The following KYAT1 variants were observed in gnomAD, a reference collection of about 807,000 sequenced individuals.
The protein encoded by KYAT1 is kynurenine--oxoglutarate transaminase 1.
In KYAT1, 47 loss-of-function variants were observed where a neutral mutation model predicts 52.4. The ratio of observed to expected loss-of-function variants is 0.90; its 90% CI spans 0.71 to 1.14. The LOEUF (loss-of-function observed/expected upper bound fraction) is 1.14, where lower values mean the gene tolerates loss of function less well. Ranked by LOEUF, KYAT1 falls within the 50% of genes most tolerant of loss-of-function variation. The pLI is 0.00. For synonymous variants in KYAT1, 212 were observed against 209.6 expected, an observed-to-expected ratio of 1.01 and a Z score of -0.10; for missense variants, 480 against 557.9, an observed-to-expected ratio of 0.86 and a Z score of 1.41.
At chr9:128,846,801 A>C (rs554194254) in intron 1 of KYAT1, 2 of 1,535,542 alleles carry the variant, frequency 1.3e-6, no homozygotes, top group South Asian at 2.4e-5. Flanking sequence ...TGGGTTTGCC[A>C]GTCCCAGATG....
At chr9:128,864,998 A>G (rs1043124707) in intron 1 of KYAT1, among the ~76,000 whole-genome samples, 5 of 151,294 alleles carry the variant, frequency 3.3e-5, no homozygotes, top group African/African-American at 1.2e-4. Flanking sequence ...AGGCCAAGGC[A>G]GGAGGATCCC....
intron 1 of KYAT1, among the ~76,000 whole-genome samples, chr9:128,879,068 T>C (rs1281935159): frequency 1.3e-5 from 2 of 152,176 alleles, no homozygotes; most frequent in Non-Finnish European, 2.9e-5. Flanking sequence ...CCCAGCACTT[T>C]GGGAGGCCGA....
chr9:128,842,005 C>A (rs1027045542), intron 3 of KYAT1: 4 of 170,420 alleles, frequency 2.3e-5, no homozygotes, highest in Admixed American at 6.1e-5. Context: ...GGAGTGAGAC[C>A]CTGACTCAAA....
intron 1 of KYAT1, chr9:128,847,351 A>G (rs1198357021): frequency 2.2e-6 from 2 of 900,682 alleles, no homozygotes; most frequent in Admixed American, 4.9e-5. Flanking sequence ...AGGCTCATGC[A>G]CAGCTTTGAA....
upstream of KYAT1, chr9:128,882,204 C>G (rs1379355670): frequency 2.6e-5 from 4 of 153,194 alleles, no homozygotes; most frequent in East Asian, 7.7e-4. Context: ...GACGGAGCGG[C>G]CGGGGCCTGG....
chr9:128,876,185 G>A (rs1588164333), intron 1 of KYAT1, among the ~76,000 whole-genome samples: 1 of 151,432 alleles, frequency 6.6e-6, no homozygotes, highest in East Asian at 1.9e-4. Flanking sequence ...TGATCCTCCT[G>A]CCTCAGCCGC....
intron 1 of KYAT1, among the ~76,000 whole-genome samples, chr9:128,881,098 T>C (rs1838802226): frequency 6.6e-6 from 1 of 152,184 alleles, no homozygotes; most frequent in Admixed American, 6.5e-5. Flanking sequence ...TTTTCTTTTT[T>C]TAGACGGAGT....
chr9:128,842,655 A>G lies in KYAT1; in HGVS notation c.200T>C (p.Phe67Ser). The change falls in exon 3 of 13, where the codon TTT becomes TCT. Residue 67 changes from phenylalanine to serine, a missense_variant and splice_region_variant. By Grantham distance (155) the Phe-to-Ser change is radical (BLOSUM62 -2). Coordinates refer to ENST00000302586, the MANE Select transcript of KYAT1 (RefSeq NM_004059.5). ...DFMLNQYTKTFGYPPLTKILA... is the reference protein window; with the variant it reads ...DFMLNQYTKTSGYPPLTKILA... ...TCCACGAGAGATGGGGAGACTCACA[A>G]ATGTCTTGGTGTACTGGTTAAGCAT... 1.2e-6 allele frequency: 2 copies of G among 1,612,968 alleles called. No homozygotes were observed. Among genetic ancestry groups the G allele is most frequent in the Non-Finnish European group, 1.7e-6 (2 of 1,179,178 alleles).
At chr9:128,881,770 CTCCGTTATACTTAG>C (rs1250522127) in intron 1 of KYAT1, 113 bp downstream of exon 1, 1 of 152,202 alleles carries the variant, frequency 6.6e-6, no homozygotes, top group Admixed American at 6.6e-5. Context: ...TGTGCAGCCA[CTCCGTTATACTTAG>C]TAGCATCAAA....
chr9:128,860,971 C>A (rs60362305), intron 1 of KYAT1, among the ~76,000 whole-genome samples: 1 of 152,098 alleles, frequency 6.6e-6, no homozygotes, highest in South Asian at 2.1e-4. Context: ...CCGTGTCAGA[C>A]ATAATAATAA....
chr9:128,836,702 A>C, intron 7 of KYAT1, 100 bp downstream of exon 7: 1 of 1,384,644 alleles, frequency 7.2e-7, no homozygotes, highest in Non-Finnish European at 9.9e-7. Flanking sequence ...AGGGCTCCAT[A>C]ACCCTGGGTT....
chr9:128,880,309 T>C (rs1317782804), intron 1 of KYAT1, among the ~76,000 whole-genome samples: 1 of 152,188 alleles, frequency 6.6e-6, no homozygotes, highest in South Asian at 2.1e-4. Flanking sequence ...ATGCCTGTTG[T>C]GTGCCAGGCC....
At chr9:128,863,684 T>C (rs1253128312) in intron 1 of KYAT1, among the ~76,000 whole-genome samples, 1 of 152,120 alleles carries the variant, frequency 6.6e-6, no homozygotes, top group East Asian at 1.9e-4. Context: ...ACCCAGCAAC[T>C]TGGCCAGGTT....
chr9:128,855,467 G>C (rs1834475954), intron 1 of KYAT1, among the ~76,000 whole-genome samples: 1 of 152,222 alleles, frequency 6.6e-6, no homozygotes, highest in African/African-American at 2.4e-5. Context: ...TGGAAATCAA[G>C]TTATCGGAAC....
At position 128,879,131 on chromosome 9, in the gene KYAT1, A is replaced by C. The variant is rs189750282; in HGVS notation, c.-7+2766T>G. On this transcript the variant is annotated intron_variant, in intron 1 of 12. Transcript: ENST00000302586. ...AGAGACCATCCTGGCTAACACGGTG[A>C]AACCCCGTCTCTACTAAAAATACAA... 3.3e-5 allele frequency among the ~76,000 whole-genome samples: 5 copies of C among 152,316 alleles called. No individual in the cohort carries two copies. In the East Asian group the frequency reaches 9.7e-4, roughly 29 times the overall value.
At chr9:128,859,072 G>C (rs1835085276) in intron 1 of KYAT1, among the ~76,000 whole-genome samples, 1 of 151,576 alleles carries the variant, frequency 6.6e-6, no homozygotes, top group African/African-American at 2.4e-5. Flanking sequence ...CTTAAAAATA[G>C]TTACCCTTGG....
intron 3 of KYAT1, among the ~76,000 whole-genome samples, 197 bp downstream of exon 3, chr9:128,842,457 G>C (rs1352669130): frequency 3.3e-5 from 5 of 152,102 alleles, no homozygotes; most frequent in Admixed American, 1.3e-4. Flanking sequence ...GTCGTTACTG[G>C]CTTCTTGTCT....
At chr9:128,865,351 A>T (rs1484971160) in intron 1 of KYAT1, among the ~76,000 whole-genome samples, 775 of 5,300 alleles carry the variant, frequency 0.15, 103 homozygotes, top group African/African-American at 0.29. Context: ...ATATATATAT[A>T]TATATATATT....
At position 128,856,052 on chromosome 9, in the gene KYAT1, T is replaced by C. The variant is rs1013170962; in HGVS notation, c.-6-10641A>G. On this transcript the variant is annotated intron_variant, in intron 1 of 12. Transcript: ENST00000302586. The stretch of plus-strand genomic sequence containing the variant: ...TAGAATATCTTTTTCAGTTACAGTG[T>C]GACTGGAATATGTCAGATTTTTGTA... Among the ~76,000 whole-genome samples the C allele has an allele frequency of 4.6e-5, 7 of 152,342 alleles. No individual in the cohort carries two copies. In the South Asian group the frequency reaches 1.0e-3, roughly 23 times the overall value.
Sources: allele counts gnomAD v4.1 joint callset (sites outside exome capture counted in the v4.1 genomes callset), GRCh38; gene constraint gnomAD v4.1.1; transcripts MANE v1.5; gene names NCBI Gene and HGNC (gene_info 2026-07-23, HGNC 2026-07-21).